The following SUGCT variants were observed in gnomAD, a reference collection of about 807,000 sequenced individuals.
The protein encoded by SUGCT is succinyl-CoA:glutarate-CoA transferase, also known as succinyl-CoA:glutarate CoA-transferase.
SUGCT carries 41 observed loss-of-function variants against 55.0 expected under a neutral mutation model. That is an observed-to-expected ratio of 0.74 (90% CI 0.58 to 0.97). The LOEUF is 0.97. Among genes scored for constraint, SUGCT ranks in the 50% least tolerant of loss-of-function variants. SUGCT has a pLI of 0.00. For missense variants in SUGCT, 568 were observed against 547.8 expected (o/e 1.04, Z -0.37); for synonymous variants, 187 against 200.4 (o/e 0.93, Z 0.56).
the SUGCT span, among the ~76,000 whole-genome samples, chr7:40,896,831 C>T: frequency 2.0e-5 from 3 of 152,192 alleles, no homozygotes; most frequent in South Asian, 6.2e-4. Context: ...ATTCCAATGT[C>T]ATTTTCCACA....
At chr7:40,435,847 A>G (rs1189583253) in intron 9 of SUGCT, among the ~76,000 whole-genome samples, 1 of 151,840 alleles carries the variant, frequency 6.6e-6, no homozygotes, top group Non-Finnish European at 1.5e-5. Context: ...CTCTTGGGCC[A>G]TTTAACTACT....
intron 13 of SUGCT, among the ~76,000 whole-genome samples, chr7:40,786,081 C>T (rs188601080): frequency 7.2e-5 from 11 of 152,076 alleles, no homozygotes; most frequent in Admixed American, 3.3e-4. Flanking sequence ...CCTGGGCAAC[C>T]GAAGGAGACC....
chr7:40,198,984 C>T (rs931164633), intron 6 of SUGCT, among the ~76,000 whole-genome samples: 1 of 150,028 alleles, frequency 6.7e-6, no homozygotes, highest in African/African-American at 2.5e-5. Flanking sequence ...CAGAGTGAGA[C>T]TCCACCTCAA....
chr7:40,648,667 G>A (rs1229602572), intron 12 of SUGCT, among the ~76,000 whole-genome samples: 1 of 152,208 alleles, frequency 6.6e-6, no homozygotes, highest in South Asian at 2.1e-4. Flanking sequence ...GTCCTTACAA[G>A]GAAACATAGC....
chr7:40,563,368 G>C lies in SUGCT; in HGVS notation c.1089+66982G>C, dbSNP rs1795945774. Among the ~76,000 whole-genome samples, 3 of 152,162 alleles carry C rather than the reference G, an allele frequency of 2.0e-5. No individual in the cohort carries two copies. In the East Asian group the frequency reaches 5.8e-4, roughly 29 times the overall value. On this transcript the variant is annotated intron_variant, in intron 12 of 13. Coordinates refer to ENST00000335693, the MANE Select transcript of SUGCT (RefSeq NM_001193313.2). The stretch of plus-strand genomic sequence containing the variant: ...TCTTAGAAGGGTTTGACAGTTCTTC[G>C]GTATTTGGTTTACGTGGTTGCCTTC...
intron 12 of SUGCT, among the ~76,000 whole-genome samples, chr7:40,688,966 G>A (rs1784576858): frequency 6.6e-6 from 1 of 152,168 alleles, no homozygotes; most frequent in Admixed American, 6.5e-5. Context: ...ATGGATGTGT[G>A]TAAAGGCTAA....
chr7:40,321,714 A>AG (rs1207233043), intron 9 of SUGCT, among the ~76,000 whole-genome samples: 1 of 152,170 alleles, frequency 6.6e-6, no homozygotes, highest in Non-Finnish European at 1.5e-5. Context: ...TTTTACATTA[A>AG]GATCATGGCC....
chr7:40,269,339 T>C (rs1791844803), intron 7 of SUGCT, among the ~76,000 whole-genome samples: 1 of 152,090 alleles, frequency 6.6e-6, no homozygotes, highest in Non-Finnish European at 1.5e-5. Flanking sequence ...TATTTATTTT[T>C]TGAGACAGAG....
chr7:40,621,554 G>T (rs1345964786), intron 12 of SUGCT, among the ~76,000 whole-genome samples: 1 of 152,174 alleles, frequency 6.6e-6, no homozygotes, highest in Non-Finnish European at 1.5e-5. Flanking sequence ...TCGGCCTGCA[G>T]ATCAGCCCTG....
chr7:40,975,674 A>G, the SUGCT span, among the ~76,000 whole-genome samples: 34 of 151,982 alleles, frequency 2.2e-4, no homozygotes, highest in Non-Finnish European at 7.4e-5. Flanking sequence ...TTGCCTTTTT[A>G]TTTTGAAACC....
chr7:40,276,703 A>G (rs1792507827), intron 8 of SUGCT, among the ~76,000 whole-genome samples: 1 of 152,118 alleles, frequency 6.6e-6, no homozygotes, highest in Admixed American at 6.6e-5. Context: ...GGAAGGTGGA[A>G]TCACCATAGG....
intron 13 of SUGCT, among the ~76,000 whole-genome samples, chr7:40,805,309 G>A (rs1214320029): frequency 3.9e-5 from 6 of 151,958 alleles, no homozygotes; most frequent in African/African-American, 1.4e-4. Context: ...ACCCTCAGAA[G>A]TTGAGCCTTA....
chr7:40,329,567 G>A (rs1052877985), intron 9 of SUGCT, among the ~76,000 whole-genome samples: 1 of 152,168 alleles, frequency 6.6e-6, no homozygotes, highest in African/African-American at 2.4e-5. Context: ...GTGAAAGCAG[G>A]TGCGAAATGC....
At chr7:40,203,366 A>G (rs1786727924) in intron 6 of SUGCT, among the ~76,000 whole-genome samples, 1 of 152,212 alleles carries the variant, frequency 6.6e-6, no homozygotes, top group Non-Finnish European at 1.5e-5. Context: ...GTCTCTTTGC[A>G]ACATTCTTTA....
At chr7:40,413,525 C>T (rs991576630) in intron 9 of SUGCT, among the ~76,000 whole-genome samples, 2 of 152,072 alleles carry the variant, frequency 1.3e-5, no homozygotes, top group Non-Finnish European at 2.9e-5. Flanking sequence ...ACTATTTGGG[C>T]AGGAATGTAC....
At chr7:40,279,723 A>G (rs1213488459) in intron 8 of SUGCT, among the ~76,000 whole-genome samples, 1 of 152,204 alleles carries the variant, frequency 6.6e-6, no homozygotes, top group Non-Finnish European at 1.5e-5. Flanking sequence ...TCAATTTAAG[A>G]TAACACTTAT....
At chr7:40,895,082 T>A in the SUGCT span, among the ~76,000 whole-genome samples, 13,701 of 151,988 alleles carry the variant, frequency 0.09, 745 homozygotes, top group South Asian at 0.24. Context: ...AGTAGTAGAG[T>A]GGATGAAGAA....
chr7:40,433,344 T>TC (rs1788006171), intron 9 of SUGCT, among the ~76,000 whole-genome samples: 2 of 152,108 alleles, frequency 1.3e-5, no homozygotes, highest in Non-Finnish European at 2.9e-5. Flanking sequence ...TTTCTTTTTT[T>TC]TTTTGTCTTA....
the SUGCT span, among the ~76,000 whole-genome samples, chr7:40,936,556 G>A: frequency 1.3e-5 from 2 of 151,564 alleles, no homozygotes; most frequent in East Asian, 1.9e-4. Flanking sequence ...TTTTGGTTTT[G>A]TTGGCTTTCT....
Sources: allele counts gnomAD v4.1 joint callset (sites outside exome capture counted in the v4.1 genomes callset), GRCh38; gene constraint gnomAD v4.1.1; transcripts MANE v1.5; gene names NCBI Gene and HGNC (gene_info 2026-07-23, HGNC 2026-07-21).